SPAG16: variants seen among roughly 807,000 people sequenced by gnomAD.
The protein encoded by SPAG16 is sperm associated antigen 16.
Under a neutral mutation model 80.4 loss-of-function variants are expected in SPAG16, and 86 were observed. The observed-to-expected ratio is 1.07, with a 90% confidence interval of 0.90 to 1.28. SPAG16 has a LOEUF of 1.28. SPAG16 is among the 50% of genes most tolerant of loss of function. The probability of loss-of-function intolerance (pLI) is 0.00; values close to 1 mark genes in which losing one functional copy is unlikely to be tolerated. For missense variants in SPAG16, 870 were observed against 765.3 expected, an observed-to-expected ratio of 1.14 and a Z score of -1.61; for synonymous variants, 294 against 265.9, an observed-to-expected ratio of 1.11 and a Z score of -1.03.
intron 10 of SPAG16, among the ~76,000 whole-genome samples, chr2:213,661,591 C>A (rs75945711): frequency 0.013 from 2,051 of 152,174 alleles, 22 homozygotes; most frequent in Middle Eastern, 0.021. Flanking sequence ...TGATTTGTTT[C>A]TTTTGATTTT....
At chr2:213,963,838 AC>A (rs1287595681) in intron 12 of SPAG16, among the ~76,000 whole-genome samples, 1 of 151,840 alleles carries the variant, frequency 6.6e-6, no homozygotes, top group Admixed American at 6.6e-5. Flanking sequence ...TAGTATAGTT[AC>A]TCCAACTCTC....
intron 5 of SPAG16, among the ~76,000 whole-genome samples, chr2:213,339,278 A>T (rs981489661): frequency 2.0e-5 from 3 of 152,222 alleles, no homozygotes; most frequent in African/African-American, 7.2e-5. Context: ...TTTTGAAATA[A>T]TTGTGACCCA....
chr2:213,419,211 A>G (rs1044701655), intron 9 of SPAG16, among the ~76,000 whole-genome samples: 2 of 152,158 alleles, frequency 1.3e-5, no homozygotes, highest in Admixed American at 1.3e-4. Context: ...TCTCTGAACA[A>G]TAACTCCTTC....
chr2:213,412,409 A>G (rs967897684), intron 9 of SPAG16, among the ~76,000 whole-genome samples: 1 of 152,158 alleles, frequency 6.6e-6, no homozygotes, highest in Non-Finnish European at 1.5e-5. Context: ...CTTTCTATAT[A>G]GAAGTAACTT....
At chr2:213,609,426 T>C (rs1238180221) in intron 10 of SPAG16, among the ~76,000 whole-genome samples, 1 of 152,140 alleles carries the variant, frequency 6.6e-6, no homozygotes, top group Non-Finnish European at 1.5e-5. Flanking sequence ...AAGCTTTTGT[T>C]TTCTCTCCCT....
chr2:213,932,704 C>G (rs1203998457), intron 12 of SPAG16, among the ~76,000 whole-genome samples: 1 of 152,144 alleles, frequency 6.6e-6, no homozygotes, highest in Non-Finnish European at 1.5e-5. Flanking sequence ...TTGGTAAGAC[C>G]ATCCATTTAG....
chr2:213,294,324 A>G (rs1025366257), intron 1 of SPAG16, among the ~76,000 whole-genome samples: 4 of 152,200 alleles, frequency 2.6e-5, no homozygotes, highest in Non-Finnish European at 4.4e-5. Flanking sequence ...GAAAGATAAA[A>G]TACCTCGAAC....
intron 7 of SPAG16, among the ~76,000 whole-genome samples, chr2:213,363,740 C>G (rs926090373): frequency 6.6e-6 from 1 of 151,834 alleles, no homozygotes; most frequent in African/African-American, 2.4e-5. Flanking sequence ...TATTGTGAAA[C>G]AATTTGAACA....
At chr2:214,015,054 T>A (rs1165665058) in intron 13 of SPAG16, among the ~76,000 whole-genome samples, 1 of 152,208 alleles carries the variant, frequency 6.6e-6, no homozygotes, top group East Asian at 1.9e-4. Context: ...AGGTGAATCA[T>A]GCACATGCAC....
chr2:213,620,222 G>A (rs1284041001), intron 10 of SPAG16, among the ~76,000 whole-genome samples: 1 of 149,098 alleles, frequency 6.7e-6, no homozygotes, highest in African/African-American at 2.5e-5. Flanking sequence ...TTGATAGGAG[G>A]AATAAGTTCT....
chr2:213,913,476 ATGTGTGTGTGTGTCTG>A (rs1404415812), intron 11 of SPAG16, among the ~76,000 whole-genome samples: 1 of 148,026 alleles, frequency 6.8e-6, no homozygotes, highest in Non-Finnish European at 1.5e-5. Context: ...TAGAACGAAT[ATGTGTGTGTGTGTCTG>A]TGTGTCTGTG....
At chr2:213,815,526 C>T (rs1174433877) in intron 10 of SPAG16, among the ~76,000 whole-genome samples, 1 of 151,942 alleles carries the variant, frequency 6.6e-6, no homozygotes, top group Non-Finnish European at 1.5e-5. Context: ...TCAAATTCTC[C>T]AATTGTGGAA....
chr2:213,945,491 A>G (rs886548260), intron 12 of SPAG16, among the ~76,000 whole-genome samples: 2 of 152,010 alleles, frequency 1.3e-5, no homozygotes, highest in Admixed American at 6.6e-5. Flanking sequence ...AGCATCCAGC[A>G]TGGGAGAAAG....
intron 11 of SPAG16, among the ~76,000 whole-genome samples, chr2:213,886,928 A>G (rs1179951801): frequency 6.6e-6 from 1 of 152,186 alleles, no homozygotes; most frequent in Non-Finnish European, 1.5e-5. Context: ...AAATCTGGTA[A>G]GGAGTAGAAG....
intron 7 of SPAG16, among the ~76,000 whole-genome samples, chr2:213,352,325 G>C (rs1441010464): frequency 6.6e-6 from 1 of 151,916 alleles, no homozygotes; most frequent in African/African-American, 2.4e-5. Flanking sequence ...TCATACCCTT[G>C]CTTCTTTTCA....
At chr2:213,876,143 C>A (rs765185162) in intron 11 of SPAG16, among the ~76,000 whole-genome samples, 8 of 151,886 alleles carry the variant, frequency 5.3e-5, no homozygotes, top group Non-Finnish European at 8.8e-5. Context: ...CAACTATAAG[C>A]AAATGCAGAC....
intron 10 of SPAG16, among the ~76,000 whole-genome samples, chr2:213,549,460 A>G (rs539056572): frequency 6.6e-6 from 1 of 152,232 alleles, no homozygotes; most frequent in South Asian, 2.1e-4. Flanking sequence ...ATCAGGAGTC[A>G]CCTCTGTTTC....
intron 8 of SPAG16, among the ~76,000 whole-genome samples, chr2:213,370,180 A>C (rs1559464595): frequency 6.6e-6 from 1 of 152,230 alleles, no homozygotes; most frequent in East Asian, 1.9e-4. Context: ...CAATACAAGC[A>C]ATCTCACTTT....
intron 7 of SPAG16, among the ~76,000 whole-genome samples, chr2:213,359,902 GAA>G (rs1320219788): frequency 6.6e-6 from 1 of 152,100 alleles, no homozygotes. Flanking sequence ...AGCCATCTTG[GAA>G]ACGACCTTAA....
Sources: gnomAD v4.1 joint callset for allele counts (sites outside exome capture counted in the v4.1 genomes callset) on GRCh38, gnomAD v4.1.1 for gene constraint, MANE v1.5 for transcripts, NCBI Gene and HGNC (gene_info 2026-07-23, HGNC 2026-07-21) for gene names.